The following TTN variants were observed in gnomAD, a reference collection of about 807,000 sequenced individuals.
TTN encodes connectin.
Under a neutral mutation model 3,223.0 loss-of-function variants are expected in TTN, and 1,525 were observed. The ratio of observed to expected loss-of-function variants is 0.47; its 90% CI spans 0.45 to 0.49. The LOEUF (loss-of-function observed/expected upper bound fraction) is 0.49. Ranked by LOEUF, TTN falls within the 20% of genes least tolerant of loss-of-function variation. The pLI, the probability that TTN is intolerant of heterozygous loss-of-function variation, is 0.00. For synonymous variants in TTN, 14,094 were observed against 15,161.0 expected, an observed-to-expected ratio of 0.93 and a Z score of 5.17; for missense variants, 40,786 against 43,424.0, an observed-to-expected ratio of 0.94 and a Z score of 5.40.
chr2:178,748,039 T>C, intron 47 of TTN: 8 of 1,613,046 alleles, frequency 5.0e-6, no homozygotes, highest in Non-Finnish European at 6.8e-6. Flanking sequence ...ACTCTGGTTC[T>C]AGAGTGCATT....
Position 178,609,474 on chromosome 2 carries a change from A to G in TTN, c.51836T>C (p.Ile17279Thr). The G allele has an allele frequency of 1.2e-6, 2 of 1,612,444 alleles. No individual in the cohort carries two copies. The highest frequency in any genetic ancestry group is 1.7e-6 in the Non-Finnish European group (2 of 1,179,140). The change falls in exon 273 of 363, where the codon ATT becomes ACT. Residue 17279 changes from isoleucine to threonine, a missense_variant. Transcript: ENST00000589042. ...AACATTTTCATCCTTTATCCATGTA[A>G]TAGTTGGGTAAGGTGATCCAGAAAT... Reference protein sequence around the residue: ...ASISGSPYPTITWIKDENVIV... With the variant: ...ASISGSPYPTTTWIKDENVIV...
Position 178,597,759 on chromosome 2 carries a change from C to T in TTN, c.57323G>A (p.Gly19108Glu), listed in dbSNP as rs774910035. The stretch of plus-strand genomic sequence containing the variant: ...CACATAGGCAATGATTCGGATCACC[C>T]CTCCAGCATGGACAACAATTCTATC... Reference protein sequence around the residue: ...VRDRIVVHAGGVIRIIAYVSG... With the variant: ...VRDRIVVHAGEVIRIIAYVSG... The change falls in exon 294 of 363, where the codon GGG becomes GAG. Residue 19108 changes from glycine to glutamate, a missense_variant. Gly to Glu is a moderately conservative substitution (Grantham distance 98). Transcript: ENST00000589042. 37 of 1,613,176 alleles carry T rather than the reference C, an allele frequency of 2.3e-5. No individual in the cohort carries two copies. Among genetic ancestry groups the T allele is most frequent in the Non-Finnish European group, 3.1e-5 (36 of 1,179,538 alleles).
At position 178,530,823 on chromosome 2, in the gene TTN, T is replaced by C; in HGVS notation, c.105792A>G (p.Val35264=). The change falls in exon 358 of 363, where the codon GTA becomes GTG. Residue 35264 remains valine, a synonymous_variant. Coordinates refer to ENST00000589042, the MANE Select transcript of TTN (RefSeq NM_001267550.2). ...KSPEPSHPKA[V]SPTETKPTPT... ...GTGTTGGTTTTGTCTCTGTGGGTGA[T>C]ACGGCTTTCGGGTGAGAAGGTTCTG... 5 of 1,613,954 alleles carry C rather than the reference T, an allele frequency of 3.1e-6. No homozygotes were observed. In the South Asian group the frequency reaches 5.5e-5, roughly 18 times the overall value.
Position 178,549,560 on chromosome 2 carries a change from G to C in TTN, c.92152+10C>G. 6.2e-7 allele frequency: 1 copy of C among 1,606,064 alleles called. No homozygotes were observed. The highest frequency in any genetic ancestry group is 1.1e-5 in the South Asian group (1 of 90,554). On this transcript the variant is annotated intron_variant, in intron 338 of 362. Coordinates refer to ENST00000589042, the MANE Select transcript of TTN (RefSeq NM_001267550.2). ...TGACATAGTACCGCTTAGTAAAAAC[G>C]CAAACTTACTATATTGTATTTGAGC...
chr2:178,550,899 G>C, intron 336 of TTN, 68 bp downstream of exon 336: 1 of 1,462,942 alleles, frequency 6.8e-7, no homozygotes, highest in South Asian at 1.3e-5. Context: ...TACAGGCCAG[G>C]GGCCAAATGT....
In TTN at chr2:178,548,921, G is replaced by A; in HGVS notation, c.92705C>T (p.Ala30902Val). 6.2e-7 allele frequency: 1 copy of A among 1,613,886 alleles called. No individual in the cohort carries two copies. The highest frequency in any genetic ancestry group is 8.5e-7 in the Non-Finnish European group (1 of 1,179,832). The change falls in exon 339 of 363, where the codon GCT becomes GTT. Residue 30902 changes from alanine (A) to valine (V), a missense_variant. By Grantham distance (64) the Ala-to-Val change is moderately conservative. Coordinates refer to ENST00000589042, the MANE Select transcript of TTN (RefSeq NM_001267550.2). The surrounding 1 kb of genome is among the most constrained non-coding windows in gnomAD (Gnocchi z 4.3). ...CACTTCACAGCTGTCGCCTTTTCCA[G>A]CACCATTGATAGCACTAACTCGGAA... is the stretch of plus-strand genomic sequence containing the variant. ...YKFRVSAING[A>V]GKGDSCEVTG... is the part of the protein sequence containing the mutation.
In TTN at chr2:178,728,765, G is replaced by A. The variant is rs936677884; in HGVS notation, c.19161C>T (p.Ile6387=). ...AFLLVQEPAQ[I]VEKAKSVDVT... is the part of the protein sequence containing the mutation. ...CATCAACTGATTTAGCTTTCTCTAC[G>A]ATTTGAGCTGGTTCTGTAGTAAAAA... Residue 6387 remains isoleucine, a synonymous_variant, in exon 66 of 363, where the codon ATC becomes ATT. Transcript: ENST00000589042. The A allele has an allele frequency of 3.8e-6, 6 of 1,599,796 alleles. No individual in the cohort carries two copies. The highest frequency in any genetic ancestry group is 2.7e-5 in the African/African-American group (2 of 74,744).
rs758807133 is a variant in TTN, at chr2:178,559,724, G to T, written c.86408C>A (p.Thr28803Asn). 1 of 1,601,028 alleles carries T rather than the reference G, an allele frequency of 6.2e-7. No homozygotes were observed. Among genetic ancestry groups the T allele is most frequent in the Non-Finnish European group, 8.5e-7 (1 of 1,172,916 alleles). ...GGTCAGTGATGTACGAGAGTCTGTG[G>T]TATCAACATAAGCTCTAGTACGGAG... ...TDLRTRAYVD[T>N]TDSRTSLTIE... Residue 28803 changes from threonine to asparagine, a missense_variant, in exon 326 of 363, where the codon ACC (threonine) becomes AAC (asparagine). Transcript: ENST00000589042.
In TTN at chr2:178,669,382, CTG is replaced by C. The variant is rs2066552989; in HGVS notation, c.35534_35535del (p.Thr11845ArgfsTer6). On this transcript the variant is annotated frameshift_variant, in exon 159 of 363. Transcript: ENST00000589042. LOFTEE classifies it high-confidence loss of function. The part of the protein sequence containing the change: ...EKSPIVISED[T>X]EMYIYEASEE... ...ATTTTTCTACACTCACTGTACATCT[CTG>C]TGTCTTCAGAAATAACAATAGGTGA... 1.3e-6 allele frequency: 2 copies of C among 1,522,662 alleles called. No individual in the cohort carries two copies. Among genetic ancestry groups the C allele is most frequent in the African/African-American group, 2.8e-5 (2 of 71,918 alleles). 94.3% of individuals were successfully genotyped at this position (1,522,662 alleles called of 1,614,324 possible).
At chr2:178,730,022 C>CCG in intron 62 of TTN, 71 bp downstream of exon 62, 4 of 1,584,480 alleles carry the variant, frequency 2.5e-6, no homozygotes, top group Non-Finnish European at 3.4e-6. Flanking sequence ...TCTTAAGCGT[C>CCG]CCCCGCCCCG....
rs200745162 is a variant in TTN, at chr2:178,704,528, C to T, written c.29944G>A (p.Ala9982Thr). The change falls in exon 105 of 363, where the codon GCT becomes ACT. Residue 9982 changes from alanine (A) to threonine (T), a missense_variant. Ala to Thr is a moderately conservative substitution (Grantham distance 58). Coordinates refer to ENST00000589042, the MANE Select transcript of TTN (RefSeq NM_001267550.2). Reference sequence around the variant, plus strand: ...AACTTACCAATTACAGTTAGTTTAGCGCTAGCGATGTGTGGACCACAAACC... The same window carrying T: ...AACTTACCAATTACAGTTAGTTTAGTGCTAGCGATGTGTGGACCACAAACC... ...RLVCGPHIASAKLTVIEPAWE... is the reference protein window; with the variant it reads ...RLVCGPHIASTKLTVIEPAWE... The T allele has an allele frequency of 7.1e-5, 114 of 1,610,098 alleles. No individual in the cohort carries two copies. The highest frequency in any genetic ancestry group is 8.5e-5 in the Non-Finnish European group (100 of 1,177,880).
In TTN at chr2:178,571,080, C is replaced by T; in HGVS notation, c.75052G>A (p.Val25018Ile). Residue 25018 changes from valine to isoleucine, a missense_variant, in exon 326 of 363, where the codon GTC (valine) becomes ATC (isoleucine). Val to Ile is a conservative substitution (Grantham distance 29, BLOSUM62 3). Coordinates refer to ENST00000589042, the MANE Select transcript of TTN (RefSeq NM_001267550.2). The stretch of plus-strand genomic sequence containing the variant: ...TGAAGAGTCACAGAATTCCTTGTGA[C>T]AATGATTGCCTCTGGCCGTCCTGGT... ...DPPGRPEAII[V>I]TRNSVTLQWK... is the part of the protein sequence containing the mutation. The T allele has an allele frequency of 6.2e-7, 1 of 1,613,040 alleles. No homozygotes were observed. Among genetic ancestry groups the T allele is most frequent in the Non-Finnish European group, 8.5e-7 (1 of 1,179,270 alleles).
rs202206216 is a variant in TTN, at chr2:178,592,603, C to T, written c.59402G>A (p.Gly19801Asp). 210 of 1,613,312 alleles carry T rather than the reference C, an allele frequency of 1.3e-4. No homozygotes were observed. Among genetic ancestry groups the T allele is most frequent in the South Asian group, 8.8e-4 (80 of 91,058 alleles). Reference sequence around the variant, plus strand: ...GATGGCACTAAGTCTTAGAGTATCACCAACTTTAATGTGTTGTTCTCTTGC... The same window carrying T: ...GATGGCACTAAGTCTTAGAGTATCATCAACTTTAATGTGTTGTTCTCTTGC... Reference protein sequence around the residue: ...NMAREQHIKVGDTLRLSAIIK... With the variant: ...NMAREQHIKVDDTLRLSAIIK... Residue 19801 changes from glycine to aspartate, a missense_variant, in exon 301 of 363, where the codon GGT becomes GAT. Physicochemically the swap from Gly to Asp is moderately conservative, Grantham distance 94. Transcript: ENST00000589042.
In TTN at chr2:178,666,881, C is replaced by T; in HGVS notation, c.35818G>A (p.Val11940Ile). ...PTEEFEVFKE[V>I]IPEGETPIVK... ...ATAGGAGTTTCTCCCTCTGGAATGA[C>T]TTCCTTGAAGACTTCAAACTCTTTA... The change falls in exon 163 of 363, where the codon GTC becomes ATC. Residue 11940 changes from valine to isoleucine, a missense_variant. Coordinates refer to ENST00000589042, the MANE Select transcript of TTN (RefSeq NM_001267550.2). 6.4e-7 allele frequency: 1 copy of T among 1,567,152 alleles called. No individual in the cohort carries two copies. The highest frequency in any genetic ancestry group is 8.7e-7 in the Non-Finnish European group (1 of 1,155,552).
At position 178,531,405 on chromosome 2, in the gene TTN, T is replaced by A; in HGVS notation, c.105210A>T (p.Thr35070=). The change falls in exon 358 of 363, where the codon ACA becomes ACT. Residue 35070 remains threonine, a synonymous_variant. Coordinates refer to ENST00000589042, the MANE Select transcript of TTN (RefSeq NM_001267550.2). The part of the protein sequence containing the change: ...EAYAVSSFKK[T]SEMEASSSVR... ...CAGAAGACGAAGCTTCCATCTCAGATGTTTTCTTAAATGATGAAACAGCAT... is the reference window on the plus strand; with the variant it reads ...CAGAAGACGAAGCTTCCATCTCAGAAGTTTTCTTAAATGATGAAACAGCAT... The A allele has an allele frequency of 6.2e-7, 1 of 1,614,048 alleles. No individual in the cohort carries two copies. The highest frequency in any genetic ancestry group is 8.5e-7 in the Non-Finnish European group (1 of 1,179,902).
At chr2:178,604,355 G>T in intron 281 of TTN, 50 bp from the exon 282 acceptor site, 1 of 1,341,564 alleles carries the variant, frequency 7.5e-7, no homozygotes. Flanking sequence ...ACTTATGTTG[G>T]TTTTCACTCA....
At position 178,664,737 on chromosome 2, in the gene TTN, A is replaced by C. The variant is rs1056154522; in HGVS notation, c.36119T>G (p.Val12040Gly). ...SKKREPPSVK[V>G]PEALQEIVPE... ...GACAATTTCTTGGAGAGCTTCAGGC[A>C]CTTTAAGAAATTAGTAGTTTTATGT... Residue 12040 changes from valine (V) to glycine (G), a missense_variant and splice_region_variant, in exon 167 of 363, where the codon GTG becomes GGG. Transcript: ENST00000589042. 2 of 1,612,282 alleles carry C rather than the reference A, an allele frequency of 1.2e-6. No individual in the cohort carries two copies. The highest frequency in any genetic ancestry group is 1.7e-6 in the Non-Finnish European group (2 of 1,179,616).
chr2:178,698,840 T>C lies in TTN; in HGVS notation c.30754+3A>G. The C allele has an allele frequency of 1.3e-6, 2 of 1,545,104 alleles. No individual in the cohort carries two copies. The highest frequency in any genetic ancestry group is 1.7e-6 in the Non-Finnish European group (2 of 1,145,694). On this transcript the variant is annotated splice_donor_region_variant and intron_variant, in intron 112 of 362. Coordinates refer to ENST00000589042, the MANE Select transcript of TTN (RefSeq NM_001267550.2). ...AAGACTGCTTTTTGATTAATTATAA[T>C]ACCTTCACGTGGTGTCATCTCTTTG... is the stretch of plus-strand genomic sequence containing the variant.
chr2:178,725,276 TAGA>T (rs961482038), intron 71 of TTN, 89 bp downstream of exon 71: 2 of 1,330,904 alleles, frequency 1.5e-6, no homozygotes, highest in African/African-American at 3.0e-5. Context: ...AATATAGTTC[TAGA>T]AGAAACTCAG....
Sources: allele counts gnomAD v4.1 joint callset, GRCh38; gene constraint gnomAD v4.1.1; non-coding constraint Gnocchi (gnomAD v3.1); transcripts MANE v1.5; gene names NCBI Gene and HGNC (gene_info 2026-07-23, HGNC 2026-07-21).